Variants in LMO7 observed in about 807,000 individuals in gnomAD.
The protein encoded by LMO7 is LIM domain only protein 7.
Under a neutral mutation model 206.5 loss-of-function variants are expected in LMO7, and 120 were observed. The ratio of observed to expected loss-of-function variants is 0.58; its 90% confidence interval spans 0.50 to 0.68. LMO7 has a LOEUF of 0.68. Among genes scored for constraint, LMO7 ranks in the 30% least tolerant of loss-of-function variants. The pLI is 0.00. For synonymous variants in LMO7, 706 were observed against 681.5 expected (o/e 1.04, Z -0.56); for missense variants, 1,959 against 1,957.9 (o/e 1.00, Z -0.01).
chr13:75,742,449 C>A (rs1014978096), intron 3 of LMO7, among the ~76,000 whole-genome samples: 11 of 152,124 alleles, frequency 7.2e-5, no homozygotes, highest in Non-Finnish European at 1.6e-4. Context: ...AAGCTGGAGG[C>A]ATCATACTAC....
intron 1 of LMO7, among the ~76,000 whole-genome samples, chr13:75,693,410 A>G (rs1009393395): frequency 6.6e-6 from 1 of 152,192 alleles, no homozygotes; most frequent in African/African-American, 2.4e-5. Context: ...TCAAAATTTC[A>G]TATCAGCTGT....
chr13:75,675,537 C>T (rs192505706), intron 1 of LMO7, among the ~76,000 whole-genome samples: 3 of 152,164 alleles, frequency 2.0e-5, no homozygotes, highest in East Asian at 1.9e-4. Flanking sequence ...TTTTCTCCTC[C>T]TCTTAGCATT....
intron 27 of LMO7, among the ~76,000 whole-genome samples, chr13:75,850,601 T>C (rs2060416512): frequency 6.6e-6 from 1 of 152,196 alleles, no homozygotes; most frequent in South Asian, 2.1e-4. Flanking sequence ...CTACATAATA[T>C]GCCACCTCCA....
intron 3 of LMO7, among the ~76,000 whole-genome samples, chr13:75,760,059 CTTT>C (rs766977594): frequency 7.2e-6 from 1 of 139,730 alleles, no homozygotes; most frequent in African/African-American, 2.8e-5. Context: ...TTTTCTTCTT[CTTT>C]TTTTTTTTTA....
intron 8 of LMO7, chr13:75,804,861 C>T (rs1202623280): frequency 8.6e-6 from 9 of 1,052,150 alleles, no homozygotes; most frequent in Non-Finnish European, 1.0e-5. Flanking sequence ...TTTGATTGAT[C>T]TTAGTGGACA....
At chr13:75,698,147 A>C (rs7324353) in intron 1 of LMO7, among the ~76,000 whole-genome samples, 78,315 of 152,012 alleles carry the variant, frequency 0.52, 21,640 homozygotes, top group African/African-American at 0.72. Flanking sequence ...GCAAAGATGA[A>C]ACACTTAAGA....
At chr13:75,723,693 A>G (rs369807320) in intron 2 of LMO7, among the ~76,000 whole-genome samples, 15 of 152,302 alleles carry the variant, frequency 9.8e-5, no homozygotes, top group East Asian at 7.7e-4. Flanking sequence ...GAACAGAGCC[A>G]GCTCTCTAGT....
intron 11 of LMO7, among the ~76,000 whole-genome samples, chr13:75,813,533 G>A (rs180917223): frequency 1.5e-3 from 221 of 152,278 alleles, no homozygotes; most frequent in African/African-American, 5.2e-3. Flanking sequence ...TCCAGCTGCT[G>A]TACAGTGTGT....
intron 25 of LMO7, among the ~76,000 whole-genome samples, chr13:75,844,966 C>T (rs1217998143): frequency 1.3e-5 from 2 of 152,146 alleles, no homozygotes; most frequent in Admixed American, 1.3e-4. Flanking sequence ...GACAGTCTGA[C>T]TGTAGGTGAT....
chr13:75,769,971 T>C (rs2049412981), intron 4 of LMO7, among the ~76,000 whole-genome samples: 1 of 152,126 alleles, frequency 6.6e-6, no homozygotes, highest in South Asian at 2.1e-4. Context: ...TCTTTTGGCT[T>C]CATACTGAGA....
At chr13:75,820,262 G>A (rs1039741996) in intron 13 of LMO7, among the ~76,000 whole-genome samples, 3 of 152,222 alleles carry the variant, frequency 2.0e-5, no homozygotes, top group Non-Finnish European at 4.4e-5. Flanking sequence ...CTTTCTAGAT[G>A]TGAGAGATGA....
At chr13:75,638,262 C>A (rs1350063459) in intron 1 of LMO7, among the ~76,000 whole-genome samples, 1 of 152,012 alleles carries the variant, frequency 6.6e-6, no homozygotes, top group Non-Finnish European at 1.5e-5. Context: ...GATTCCACAC[C>A]CTTCCCTTTT....
chr13:75,790,701 C>T (rs1371011697), intron 4 of LMO7, among the ~76,000 whole-genome samples: 2 of 152,146 alleles, frequency 1.3e-5, no homozygotes, highest in African/African-American at 4.8e-5. Context: ...ATTAGAGCTG[C>T]ATGAGTCCAC....
intron 1 of LMO7, among the ~76,000 whole-genome samples, chr13:75,641,782 G>T (rs2036557543): frequency 6.6e-6 from 1 of 151,706 alleles, no homozygotes; most frequent in Admixed American, 6.6e-5. Context: ...AGCCTCCCGA[G>T]TAGCTGGGAG....
intron 12 of LMO7, 117 bp from the exon 13 acceptor site, chr13:75,819,276 C>T (rs1453818457): frequency 6.5e-6 from 8 of 1,236,292 alleles, no homozygotes; most frequent in Non-Finnish European, 8.7e-6. Context: ...GGCACCTTGG[C>T]ATCCAGTTGG....
At chr13:75,655,440 C>A (rs2037966056) in intron 1 of LMO7, among the ~76,000 whole-genome samples, 1 of 151,884 alleles carries the variant, frequency 6.6e-6, no homozygotes, top group Non-Finnish European at 1.5e-5. Context: ...GATATTTATT[C>A]TATTTGATTG....
chr13:75,681,353 G>A (rs1483236863), intron 1 of LMO7, among the ~76,000 whole-genome samples: 2 of 152,028 alleles, frequency 1.3e-5, no homozygotes, highest in African/African-American at 4.8e-5. Flanking sequence ...AAGTTTATGA[G>A]CTACTATCCT....
At chr13:75,734,656 G>A (rs2045616870) in intron 3 of LMO7, among the ~76,000 whole-genome samples, 1 of 152,078 alleles carries the variant, frequency 6.6e-6, no homozygotes, top group African/African-American at 2.4e-5. Flanking sequence ...GAGAAGGAAT[G>A]AAAAATTTTT....
chr13:75,767,795 A>G (rs919755025), intron 4 of LMO7, among the ~76,000 whole-genome samples: 2 of 152,098 alleles, frequency 1.3e-5, no homozygotes, highest in Non-Finnish European at 2.9e-5. Flanking sequence ...AGATTTTGGT[A>G]TTCCCTGACT....
Sources: allele counts gnomAD v4.1 joint callset (sites outside exome capture counted in the v4.1 genomes callset), GRCh38; gene constraint gnomAD v4.1.1; transcripts MANE v1.5; gene names NCBI Gene and HGNC (gene_info 2026-07-23, HGNC 2026-07-21).